Variants in PLCL2 observed in about 807,000 individuals in gnomAD.
The protein encoded by PLCL2 is phospholipase C like 2, also known as inactive phospholipase C-like protein 2.
In PLCL2, 4 loss-of-function variants were observed where a neutral mutation model predicts 79.6. The observed-to-expected ratio is 0.05, with a 90% CI of 0.02 to 0.11. The LOEUF (loss-of-function observed/expected upper bound fraction) is 0.11. Among genes scored for constraint, PLCL2 ranks in the 10% least tolerant of loss-of-function variants. PLCL2 has a pLI of 1.00. For synonymous variants in PLCL2, 484 were observed against 457.7 expected (o/e 1.06, Z -0.73); for missense variants, 895 against 1,291.0 (o/e 0.69, Z 4.70).
At chr3:16,903,669 C>G (rs915784365) in intron 1 of PLCL2, among the ~76,000 whole-genome samples, 2 of 152,212 alleles carry the variant, frequency 1.3e-5, no homozygotes, top group South Asian at 4.1e-4. Context: ...GGACAGAGCC[C>G]CAACGGTTCA....
At chr3:17,017,531 G>A (rs1035490520) in intron 3 of PLCL2, among the ~76,000 whole-genome samples, 10 of 152,080 alleles carry the variant, frequency 6.6e-5, no homozygotes, top group South Asian at 2.1e-4. Flanking sequence ...TAAAGGTCTC[G>A]GACAGCCCGT....
chr3:16,936,832 T>C (rs1422098123), intron 1 of PLCL2, among the ~76,000 whole-genome samples: 1 of 152,136 alleles, frequency 6.6e-6, no homozygotes, highest in Non-Finnish European at 1.5e-5. Context: ...GAAGCCATTC[T>C]TTTTTTTCTT....
chr3:17,031,215 A>C (rs939902631), intron 3 of PLCL2, among the ~76,000 whole-genome samples: 5 of 152,156 alleles, frequency 3.3e-5, no homozygotes, highest in Non-Finnish European at 7.4e-5. Context: ...TTCAGGATGT[A>C]GCGTCTGAAC....
intron 3 of PLCL2, among the ~76,000 whole-genome samples, chr3:17,040,286 T>C (rs898054216): frequency 6.6e-6 from 1 of 152,212 alleles, no homozygotes; most frequent in African/African-American, 2.4e-5. Context: ...CTTCTATATC[T>C]GGACTCTTGA....
At chr3:17,072,260 T>A (rs2065066936) in intron 5 of PLCL2, among the ~76,000 whole-genome samples, 1 of 152,168 alleles carries the variant, frequency 6.6e-6, no homozygotes, top group Non-Finnish European at 1.5e-5. Context: ...TCCCAAAAGA[T>A]CCCTTTGAGG....
chr3:17,015,193 A>G (rs2064370896), intron 3 of PLCL2, among the ~76,000 whole-genome samples: 1 of 152,234 alleles, frequency 6.6e-6, no homozygotes, highest in African/African-American at 2.4e-5. Context: ...ACTATTTTCC[A>G]CACAGATGTA....
intron 4 of PLCL2, among the ~76,000 whole-genome samples, chr3:17,058,707 A>G (rs1312149747): frequency 6.6e-6 from 1 of 152,152 alleles, no homozygotes; most frequent in African/African-American, 2.4e-5. Flanking sequence ...GACCATAGAC[A>G]TAGAAGAGGG....
At chr3:17,019,183 G>A (rs1464298675) in intron 3 of PLCL2, among the ~76,000 whole-genome samples, 1 of 152,182 alleles carries the variant, frequency 6.6e-6, no homozygotes, top group Admixed American at 6.5e-5. Flanking sequence ...GGAGGCTATT[G>A]CAAGATGAGT....
chr3:16,985,641 G>A (rs530823183), intron 1 of PLCL2, among the ~76,000 whole-genome samples: 1 of 152,286 alleles, frequency 6.6e-6, no homozygotes, highest in African/African-American at 2.4e-5. Context: ...AGGACATAGT[G>A]TTATTGCCTC....
chr3:16,998,604 C>T (rs1412374055), intron 1 of PLCL2, among the ~76,000 whole-genome samples: 1 of 152,130 alleles, frequency 6.6e-6, no homozygotes, highest in South Asian at 2.1e-4. Flanking sequence ...CGGTGCTTAC[C>T]GTTAAGTTTT....
chr3:17,034,471 G>A (rs1046698331), intron 3 of PLCL2, among the ~76,000 whole-genome samples: 1 of 152,164 alleles, frequency 6.6e-6, no homozygotes, highest in African/African-American at 2.4e-5. Context: ...TTTGTTAACT[G>A]TTTTTGAGCT....
chr3:17,085,001 A>G (rs1490082904), intron 5 of PLCL2, among the ~76,000 whole-genome samples: 2 of 152,250 alleles, frequency 1.3e-5, no homozygotes, highest in East Asian at 3.8e-4. Context: ...GTCTCTGTTC[A>G]CAGATGATAT....
At chr3:16,891,503 A>C (rs1318257113) in intron 1 of PLCL2, among the ~76,000 whole-genome samples, 1 of 152,048 alleles carries the variant, frequency 6.6e-6, no homozygotes, top group Non-Finnish European at 1.5e-5. Context: ...TGTTCCATAA[A>C]TGCTTTCAAT....
chr3:16,937,028 C>G (rs1378562372), intron 1 of PLCL2, among the ~76,000 whole-genome samples: 1 of 152,138 alleles, frequency 6.6e-6, no homozygotes, highest in Admixed American at 6.5e-5. Context: ...TTTCTACCCA[C>G]TAGCTGATCT....
At chr3:16,976,670 A>G (rs2063930182) in intron 1 of PLCL2, among the ~76,000 whole-genome samples, 1 of 152,196 alleles carries the variant, frequency 6.6e-6, no homozygotes, top group African/African-American at 2.4e-5. Flanking sequence ...CCCATGGAAC[A>G]TTGTCATCTC....
chr3:16,958,638 A>T (rs1035802631), intron 1 of PLCL2, among the ~76,000 whole-genome samples: 1 of 152,220 alleles, frequency 6.6e-6, no homozygotes, highest in Non-Finnish European at 1.5e-5. Context: ...CTTATATATA[A>T]AAAATAAAGT....
At chr3:16,939,149 C>T (rs1215194568) in intron 1 of PLCL2, among the ~76,000 whole-genome samples, 3 of 152,242 alleles carry the variant, frequency 2.0e-5, no homozygotes, top group Admixed American at 6.5e-5. Flanking sequence ...AAAGGGTAAG[C>T]GGGTAATCAC....
At chr3:16,996,982 A>G (rs1388807806) in intron 1 of PLCL2, among the ~76,000 whole-genome samples, 3 of 152,204 alleles carry the variant, frequency 2.0e-5, no homozygotes, top group African/African-American at 7.2e-5. Context: ...TCTTTTGAAG[A>G]TGCTTGATAT....
chr3:17,080,067 G>A lies in PLCL2; in HGVS notation c.3205-9666G>A, dbSNP rs148685510. Among the ~76,000 whole-genome samples the A allele has an allele frequency of 1.6e-4, 24 of 152,328 alleles. 1 individual carries two copies. The East Asian group carries it at 4.6e-3, about 29-fold the overall frequency. ...CCTTTGGGGTGGAGGTCAGGGTGGA[G>A]GGAAGGCGGTCTTCCTGCTGTGGGG... On this transcript the variant is annotated intron_variant, in intron 5 of 5. Coordinates refer to ENST00000615277, the MANE Select transcript of PLCL2 (RefSeq NM_001144382.2).
Sources: allele counts gnomAD v4.1 joint callset (sites outside exome capture counted in the v4.1 genomes callset), GRCh38; gene constraint gnomAD v4.1.1; transcripts MANE v1.5; gene names NCBI Gene and HGNC (gene_info 2026-07-23, HGNC 2026-07-21).